ALDH1L1: variants seen among roughly 807,000 people sequenced by gnomAD.
ALDH1L1 encodes cytosolic 10-formyltetrahydrofolate dehydrogenase.
In ALDH1L1, 68 loss-of-function variants were observed where a neutral mutation model predicts 101.1. The ratio of observed to expected loss-of-function variants is 0.67; its 90% CI spans 0.55 to 0.82. ALDH1L1 has a LOEUF of 0.82. ALDH1L1 is among the 40% of genes least tolerant of loss of function. The probability of loss-of-function intolerance (pLI) is 0.00; values close to 1 mark genes in which losing one functional copy is unlikely to be tolerated. For missense variants in ALDH1L1, 1,087 were observed against 1,172.7 expected (o/e 0.93, Z 1.07); for synonymous variants, 486 against 470.8 (o/e 1.03, Z -0.42).
chr3:126,133,798 C>T (rs751514950), intron 12 of ALDH1L1, among the ~76,000 whole-genome samples: 1 of 152,172 alleles, frequency 6.6e-6, no homozygotes, highest in Non-Finnish European at 1.5e-5. Flanking sequence ...CTACTGACCA[C>T]CAGCAGCCTG....
intron 22 of ALDH1L1, chr3:126,104,419 G>A (rs1945788942): frequency 6.3e-6 from 1 of 158,352 alleles, no homozygotes; most frequent in African/African-American, 2.4e-5. Flanking sequence ...AGGCTGCTTG[G>A]AAGGCTTGGC....
At chr3:126,158,965 C>T (rs1420836882) in intron 2 of ALDH1L1, among the ~76,000 whole-genome samples, 1 of 152,206 alleles carries the variant, frequency 6.6e-6, no homozygotes, top group Non-Finnish European at 1.5e-5. Context: ...CTTCCGGCCC[C>T]CTCTACTGCT....
chr3:126,150,294 C>G lies in ALDH1L1; in HGVS notation c.984+112G>C, dbSNP rs1576460882. 2.1e-5 allele frequency: 31 copies of G among 1,447,192 alleles called. No individual in the cohort carries two copies. In the East Asian group the frequency reaches 7.8e-4, roughly 36 times the overall value. The allele number at this position is 1,447,192 out of a possible 1,614,324, so 89.6% of individuals were successfully genotyped here. ...ACCAACACTGCACCTGGAGCCAAAA[C>G]AGACACCCACAGAGGGCTGGCGCTG... On this transcript the variant is annotated intron_variant, in intron 8 of 22. Coordinates refer to ENST00000393434, the MANE Select transcript of ALDH1L1 (RefSeq NM_012190.4).
chr3:126,171,880 T>C (rs1203247569), intron 1 of ALDH1L1, among the ~76,000 whole-genome samples: 1 of 152,030 alleles, frequency 6.6e-6, no homozygotes, highest in Non-Finnish European at 1.5e-5. Flanking sequence ...TGTAAAACAC[T>C]TCCCCCCACC....
At chr3:126,145,571 A>G (rs1334540884) in intron 9 of ALDH1L1, among the ~76,000 whole-genome samples, 1 of 152,230 alleles carries the variant, frequency 6.6e-6, no homozygotes, top group African/African-American at 2.4e-5. Context: ...TAAGCGTAAA[A>G]AGCCAGTCAC....
intron 1 of ALDH1L1, among the ~76,000 whole-genome samples, chr3:126,193,838 C>G (rs898871281): frequency 1.3e-5 from 2 of 152,104 alleles, no homozygotes; most frequent in Admixed American, 6.6e-5. Flanking sequence ...AAAGTATTTT[C>G]TTGATATTTA....
rs569961469 is a variant in ALDH1L1 at position 126,112,931 on chromosome 3, G to T, written c.2083-51C>A. The T allele has an allele frequency of 2.4e-4, 380 of 1,569,924 alleles. 1 individual carries two copies. The highest frequency in any genetic ancestry group is 2.2e-4 in the Non-Finnish European group (252 of 1,145,946). ...GGTCACTGCTCCTCCTGGGACACCA[G>T]CCCCCGGCTCTGCCAGGGCCCAGCC... On this transcript the variant is annotated intron_variant, in intron 18 of 22. Transcript: ENST00000393434.
chr3:126,181,248 G>A (rs2081471348), upstream of ALDH1L1: 10 of 566,652 alleles, frequency 1.8e-5, no homozygotes, highest in Non-Finnish European at 2.8e-5. Context: ...CATGTAGAAT[G>A]CCGGGAGTGA....
At chr3:126,161,142 G>T in intron 1 of ALDH1L1, 140 bp from the exon 2 acceptor site, 2 of 917,894 alleles carry the variant, frequency 2.2e-6, no homozygotes, top group Non-Finnish European at 3.2e-6. Flanking sequence ...GCAGGCCACT[G>T]AGGGGAGACT....
intron 1 of ALDH1L1, among the ~76,000 whole-genome samples, chr3:126,194,161 TTAACA>T (rs2081568394): frequency 6.6e-6 from 1 of 152,200 alleles, no homozygotes. Flanking sequence ...CTACAGTAAC[TTAACA>T]TAATAACCAT....
intron 1 of ALDH1L1, 90 bp downstream of exon 1, chr3:126,180,386 C>T (rs921270398): frequency 6.5e-6 from 6 of 928,786 alleles, no homozygotes; most frequent in Non-Finnish European, 7.7e-6. Flanking sequence ...AGTCCTGGAG[C>T]CCCTGGAGCC....
intron 1 of ALDH1L1, among the ~76,000 whole-genome samples, chr3:126,189,178 C>G (rs572227243): frequency 1.3e-5 from 2 of 152,226 alleles, no homozygotes; most frequent in African/African-American, 4.8e-5. Flanking sequence ...ACTAAGTGAA[C>G]TAATGGATCC....
chr3:126,176,942 A>G (rs1438488855), intron 1 of ALDH1L1, among the ~76,000 whole-genome samples: 1 of 152,236 alleles, frequency 6.6e-6, no homozygotes, highest in African/African-American at 2.4e-5. Context: ...GATGGCAGAG[A>G]AGCATTTAAA....
chr3:126,113,295 C>T (rs887173124), intron 18 of ALDH1L1, among the ~76,000 whole-genome samples: 4 of 152,140 alleles, frequency 2.6e-5, no homozygotes, highest in African/African-American at 7.2e-5. Flanking sequence ...AGATGCCAGC[C>T]GTGTGTGTAA....
rs145634941 is a variant in ALDH1L1 at position 126,187,588 on chromosome 3, G to A, written c.-24+10147C>T. ...AGTTTACAGTGGGGCGAAACTGCGC[G>A]TTTGAGACCCCAGAAGCATCAGACT... is the stretch of plus-strand genomic sequence containing the variant. On this transcript the variant is annotated intron_variant, in intron 1 of 2. Coordinates refer to the ALDH1L1 transcript ENST00000509952. Among the ~76,000 whole-genome samples, 466 of 152,238 alleles carry A rather than the reference G, an allele frequency of 3.1e-3. 3 individuals carry two copies. The highest frequency in any genetic ancestry group is 0.014 in the Middle Eastern group (4 of 294).
At chr3:126,161,253 T>C in intron 1 of ALDH1L1, among the ~76,000 whole-genome samples, 1 of 152,238 alleles carries the variant, frequency 6.6e-6, no homozygotes, top group South Asian at 2.1e-4. Context: ...AAATGGATTG[T>C]AGAATTAGGG....
intron 9 of ALDH1L1, among the ~76,000 whole-genome samples, chr3:126,138,207 T>A (rs1020892569): frequency 1.3e-5 from 2 of 152,208 alleles, no homozygotes; most frequent in African/African-American, 4.8e-5. Context: ...AAGCCTTAAT[T>A]TCTTCACCTG....
intron 9 of ALDH1L1, among the ~76,000 whole-genome samples, chr3:126,143,179 G>A (rs1197115381): frequency 3.9e-5 from 6 of 152,172 alleles, no homozygotes; most frequent in Non-Finnish European, 7.3e-5. Context: ...AATTTTGTAA[G>A]GGTACACAAA....
chr3:126,185,259 C>A (rs1485791481), upstream of ALDH1L1, among the ~76,000 whole-genome samples: 1 of 152,204 alleles, frequency 6.6e-6, no homozygotes, highest in Non-Finnish European at 1.5e-5. Context: ...CGTGTTTGCA[C>A]CCCCATGCAA....
Sources: gnomAD v4.1 joint callset for allele counts (sites outside exome capture counted in the v4.1 genomes callset) on GRCh38, gnomAD v4.1.1 for gene constraint, MANE v1.5 for transcripts, NCBI Gene and HGNC (gene_info 2026-07-23, HGNC 2026-07-21) for gene names.